Variants in LRRTM4 observed in about 807,000 individuals in gnomAD.
The protein encoded by LRRTM4 is leucine rich repeat transmembrane neuronal 4.
Under a neutral mutation model 47.6 loss-of-function variants are expected in LRRTM4, and 25 were observed. That is an observed-to-expected ratio of 0.53 (90% CI 0.38 to 0.73). The LOEUF (loss-of-function observed/expected upper bound fraction) is 0.73, where lower values mean the gene tolerates loss of function less well. Ranked by LOEUF, LRRTM4 falls within the 30% of genes least tolerant of loss-of-function variation. LRRTM4 has a pLI of 0.00. For synonymous variants in LRRTM4, 311 were observed against 269.5 expected, an observed-to-expected ratio of 1.15 and a Z score of -1.51; for missense variants, 638 against 713.4, an observed-to-expected ratio of 0.89 and a Z score of 1.20.
intron 3 of LRRTM4, among the ~76,000 whole-genome samples, chr2:76,780,457 T>G (rs1033632980): frequency 6.6e-6 from 1 of 152,162 alleles, no homozygotes; most frequent in Non-Finnish European, 1.5e-5. Context: ...GCTTTGCTCA[T>G]TTCTTTTTAT....
In LRRTM4 at chr2:76,850,114, C is replaced by T. The variant is rs561900105; in HGVS notation, c.1552-101198G>A. 5.3e-5 allele frequency among the ~76,000 whole-genome samples: 8 copies of T among 152,152 alleles called. 2 individuals carry two copies. The Middle Eastern group carries it at 0.021, about 391-fold the overall frequency. On this transcript the variant is annotated intron_variant, in intron 3 of 3. Transcript: ENST00000409884. ...TTTCTCAAATGAACTTCAGTTTTTC[C>T]ATTTTGTGTCTCAGAATTTTTCAAG...
At chr2:77,319,452 C>T (rs1677724338) in intron 3 of LRRTM4, among the ~76,000 whole-genome samples, 2 of 152,190 alleles carry the variant, frequency 1.3e-5, no homozygotes, top group South Asian at 4.2e-4. Context: ...TAACACCTAC[C>T]TGCTACTTGA....
At chr2:77,275,807 T>C (rs1676329991) in intron 3 of LRRTM4, among the ~76,000 whole-genome samples, 1 of 151,948 alleles carries the variant, frequency 6.6e-6, no homozygotes, top group South Asian at 2.1e-4. Flanking sequence ...ATCAAAGAGA[T>C]AAATAATATA....
chr2:76,908,740 A>G (rs907003016), intron 3 of LRRTM4, among the ~76,000 whole-genome samples: 1 of 152,132 alleles, frequency 6.6e-6, no homozygotes, highest in African/African-American at 2.4e-5. Flanking sequence ...ACTCCCATTC[A>G]CAATTGCTTC....
At chr2:77,363,389 C>T (rs369475153) in intron 3 of LRRTM4, among the ~76,000 whole-genome samples, 1 of 152,046 alleles carries the variant, frequency 6.6e-6, no homozygotes, top group Admixed American at 6.6e-5. Flanking sequence ...AATATACTCC[C>T]AAGAATATAG....
At chr2:76,772,495 G>T (rs1673754374) in intron 3 of LRRTM4, among the ~76,000 whole-genome samples, 1 of 152,078 alleles carries the variant, frequency 6.6e-6, no homozygotes, top group Non-Finnish European at 1.5e-5. Context: ...TGTTGAAAGG[G>T]ACAAATATGT....
chr2:77,220,167 A>C (rs1674577772), intron 3 of LRRTM4, among the ~76,000 whole-genome samples: 1 of 152,296 alleles, frequency 6.6e-6, no homozygotes, highest in Middle Eastern at 3.4e-3. Context: ...AAGGAAAACT[A>C]ACAAACAGAA....
rs890238831 is a variant in LRRTM4 at position 76,769,193 on chromosome 2, C to T, written c.1552-20277G>A. Among the ~76,000 whole-genome samples, 3 of 152,018 alleles carry T rather than the reference C, an allele frequency of 2.0e-5. No homozygotes were observed. The East Asian group carries it at 5.8e-4, about 29-fold the overall frequency. On this transcript the variant is annotated intron_variant, in intron 3 of 3. Transcript: ENST00000409884. ...TAGGACTAGAAGGAACGTTCTGCTC[C>T]CTTGGTTTCATAAACTGCCACCACT... is the stretch of plus-strand genomic sequence containing the variant.
chr2:76,833,243 C>G (rs1439423107), intron 3 of LRRTM4, among the ~76,000 whole-genome samples: 1 of 152,042 alleles, frequency 6.6e-6, no homozygotes, highest in Non-Finnish European at 1.5e-5. Context: ...TATTTTAAAG[C>G]TCCTATTTTC....
At chr2:77,232,667 A>G (rs1674997761) in intron 3 of LRRTM4, among the ~76,000 whole-genome samples, 1 of 152,256 alleles carries the variant, frequency 6.6e-6, no homozygotes, top group Admixed American at 6.5e-5. Context: ...CCAATAGTAT[A>G]AATGTGACAT....
At chr2:77,278,319 A>G (rs575789340) in intron 3 of LRRTM4, among the ~76,000 whole-genome samples, 3 of 152,060 alleles carry the variant, frequency 2.0e-5, no homozygotes, top group East Asian at 1.9e-4. Context: ...AACTTTATCC[A>G]TAAATGAGAT....
At chr2:76,936,951 T>A (rs1334099195) in intron 3 of LRRTM4, among the ~76,000 whole-genome samples, 1 of 29,224 alleles carries the variant, frequency 3.4e-5, no homozygotes, top group East Asian at 2.4e-3. Context: ...CAAGACTCCA[T>A]CTCAAAAAAA....
intron 3 of LRRTM4, among the ~76,000 whole-genome samples, chr2:77,393,540 G>A (rs1419941902): frequency 6.6e-6 from 1 of 151,982 alleles, no homozygotes; most frequent in Admixed American, 6.6e-5. Context: ...GACCACCTAA[G>A]ACTTTACATT....
At chr2:77,132,576 C>T (rs535408924) in intron 3 of LRRTM4, among the ~76,000 whole-genome samples, 39 of 152,274 alleles carry the variant, frequency 2.6e-4, no homozygotes, top group Middle Eastern at 6.8e-3. Flanking sequence ...AGGACCCAGT[C>T]TCTGCTCCTG....
chr2:77,503,651 A>C (rs1421707838), intron 3 of LRRTM4, among the ~76,000 whole-genome samples: 1 of 151,540 alleles, frequency 6.6e-6, no homozygotes, highest in Non-Finnish European at 1.5e-5. Context: ...CAGAGAGAGA[A>C]TATGATGGAA....
chr2:77,505,476 C>T (rs555348982), intron 3 of LRRTM4, among the ~76,000 whole-genome samples: 129 of 151,320 alleles, frequency 8.5e-4, no homozygotes, highest in Non-Finnish European at 1.6e-3. Context: ...AATAAATCAA[C>T]GAAGTGGACC....
chr2:77,363,293 G>A (rs1194222557), intron 3 of LRRTM4, among the ~76,000 whole-genome samples: 1 of 151,870 alleles, frequency 6.6e-6, no homozygotes. Flanking sequence ...TCAGTCCTTG[G>A]AATTGAATAT....
chr2:77,465,167 G>A (rs1676937480), intron 3 of LRRTM4, among the ~76,000 whole-genome samples: 1 of 151,984 alleles, frequency 6.6e-6, no homozygotes, highest in Admixed American at 6.6e-5. Flanking sequence ...ATCTTCACGA[G>A]CTTTAGGATT....
chr2:76,825,490 A>G (rs1671167701), intron 3 of LRRTM4, among the ~76,000 whole-genome samples: 1 of 151,650 alleles, frequency 6.6e-6, no homozygotes, highest in Non-Finnish European at 1.5e-5. Flanking sequence ...GTGGGGATGG[A>G]GTTGTCATTT....
Sources: allele counts gnomAD v4.1 joint callset (sites outside exome capture counted in the v4.1 genomes callset), GRCh38; gene constraint gnomAD v4.1.1; transcripts MANE v1.5; gene names NCBI Gene and HGNC (gene_info 2026-07-23, HGNC 2026-07-21).